Variants in ZMYM2 observed in about 807,000 individuals in gnomAD.
The protein encoded by ZMYM2 is zinc finger MYM-type containing 2.
In ZMYM2, 56 loss-of-function variants were observed where a neutral mutation model predicts 162.8. The observed-to-expected ratio is 0.34, with a 90% CI of 0.28 to 0.43. The LOEUF (loss-of-function observed/expected upper bound fraction) is 0.43, where lower values mean the gene tolerates loss of function less well. Among genes scored for constraint, ZMYM2 ranks in the 20% least tolerant of loss-of-function variants. The pLI is 1.00. For synonymous variants in ZMYM2, 510 were observed against 541.6 expected, an observed-to-expected ratio of 0.94 and a Z score of 0.81; for missense variants, 1,275 against 1,621.8, an observed-to-expected ratio of 0.79 and a Z score of 3.67.
chr13:19,942,638 A>T, the ZMYM2 span, among the ~76,000 whole-genome samples: 1 of 151,768 alleles, frequency 6.6e-6, no homozygotes, highest in African/African-American at 2.4e-5. Context: ...TGAGCCTGGG[A>T]GGTTGAAGCT....
At chr13:20,059,420 C>T (rs776175710) in intron 15 of ZMYM2, 27 bp from the exon 16 acceptor site, 10 of 1,610,050 alleles carry the variant, frequency 6.2e-6, no homozygotes, top group South Asian at 1.1e-5. Flanking sequence ...GTTAACATTG[C>T]TCCTTAAATA....
intron 12 of ZMYM2, among the ~76,000 whole-genome samples, chr13:20,045,049 C>CAAAAAAAAAAAAA (rs933854935): frequency 4.2e-5 from 2 of 47,476 alleles, no homozygotes; most frequent in Non-Finnish European, 4.3e-5. Flanking sequence ...GACTCTGTGT[C>CAAAAAAAAAAAAA]AAAAAAAAAA....
chr13:19,945,362 G>A, the ZMYM2 span, among the ~76,000 whole-genome samples: 7 of 151,842 alleles, frequency 4.6e-5, no homozygotes, highest in Non-Finnish European at 7.4e-5. Context: ...AGCAATTATC[G>A]TGCCTTAGCC....
In ZMYM2 at chr13:20,035,273, C is replaced by A. The variant is rs535317257; in HGVS notation, c.2119+869C>A. Among the ~76,000 whole-genome samples the A allele has an allele frequency of 2.0e-5, 3 of 152,232 alleles. No homozygotes were observed. The South Asian group carries it at 6.2e-4, about 32-fold the overall frequency. ...AGCAAAATAAAAAGATTTATCAGTT[C>A]GTTCAACTAGTGCGTTCATTTACAG... On this transcript the variant is annotated intron_variant, in intron 11 of 24. Transcript: ENST00000610343.
At chr13:20,031,217 A>T (rs1953099253) in intron 9 of ZMYM2, 102 bp from the exon 10 acceptor site, 2 of 758,800 alleles carry the variant, frequency 2.6e-6, no homozygotes, top group Non-Finnish European at 4.1e-6. Flanking sequence ...TATCTAAGCA[A>T]GATGTATATT....
the ZMYM2 span, among the ~76,000 whole-genome samples, chr13:19,909,621 C>T: frequency 6.6e-6 from 1 of 151,776 alleles, no homozygotes; most frequent in East Asian, 2.0e-4. Flanking sequence ...TTAGTAGAGA[C>T]AAGGTTTCAC....
At chr13:20,066,656 G>T in intron 19 of ZMYM2, 195 bp from the exon 20 acceptor site, 1 of 423,252 alleles carries the variant, frequency 2.4e-6, no homozygotes, top group East Asian at 3.6e-5. Context: ...CAGGTGGCAC[G>T]ATTGGAAGAG....
At chr13:20,001,085 A>G (rs1950353232) in intron 3 of ZMYM2, among the ~76,000 whole-genome samples, 1 of 152,162 alleles carries the variant, frequency 6.6e-6, no homozygotes, top group South Asian at 2.1e-4. Flanking sequence ...CATGAGAACT[A>G]GAATTAGTAG....
At chr13:19,898,344 T>C in the ZMYM2 span, among the ~76,000 whole-genome samples, 1 of 151,946 alleles carries the variant, frequency 6.6e-6, no homozygotes, top group African/African-American at 2.4e-5. Flanking sequence ...ACCATTCTCC[T>C]GCCTCAGCCT....
chr13:20,040,130 C>T (rs1428205562), intron 12 of ZMYM2, among the ~76,000 whole-genome samples: 3 of 152,248 alleles, frequency 2.0e-5, no homozygotes, highest in Middle Eastern at 3.4e-3. Flanking sequence ...GTCCCCCCTC[C>T]TCAATTTTTT....
At chr13:19,982,591 A>T (rs979481699) in intron 2 of ZMYM2, among the ~76,000 whole-genome samples, 25 of 152,118 alleles carry the variant, frequency 1.6e-4, no homozygotes, top group Non-Finnish European at 1.3e-4. Flanking sequence ...TGGAGAAGAG[A>T]TGCTGCTATT....
At position 20,086,490 on chromosome 13, in the gene ZMYM2, G is replaced by A. The variant is rs1224018715; in HGVS notation, c.*476G>A. 2 of 219,264 alleles carry A rather than the reference G, an allele frequency of 9.1e-6. No individual in the cohort carries two copies. The highest frequency in any genetic ancestry group is 1.8e-5 in the Non-Finnish European group (2 of 109,042). 13.6% of individuals were successfully genotyped at this position (219,264 alleles called of 1,614,324 possible). A position where few individuals can be genotyped will look rare whatever the true frequency, so the allele number is the denominator to read the frequency against. On this transcript the variant is annotated 3_prime_UTR_variant, in exon 25 of 25. Transcript: ENST00000610343. ...AAAATAAACTGTAAACTAATAGGCT[G>A]GGGTTTTTGTTTTGTTTTGGGGTTT...
chr13:19,919,107 T>C, the ZMYM2 span, among the ~76,000 whole-genome samples: 1 of 151,986 alleles, frequency 6.6e-6, no homozygotes, highest in Admixed American at 6.6e-5. Context: ...AATGGAATAA[T>C]ACAGTCTGTA....
chr13:19,928,417 C>T, the ZMYM2 span, among the ~76,000 whole-genome samples: 16 of 152,082 alleles, frequency 1.1e-4, no homozygotes, highest in African/African-American at 2.6e-4. Context: ...TGAGTCTTTT[C>T]GCTAAGTGCA....
chr13:20,085,762 G>A lies in ZMYM2; in HGVS notation c.3942-60G>A, dbSNP rs1958225429. The A allele has an allele frequency of 3.3e-6, 5 of 1,510,220 alleles. No homozygotes were observed. In the Admixed American group the frequency reaches 1.1e-4, roughly 33 times the overall value. 93.6% of individuals were successfully genotyped at this position (1,510,220 alleles called of 1,614,324 possible). A position where few individuals can be genotyped will look rare whatever the true frequency, so the allele number is the denominator to read the frequency against. On this transcript the variant is annotated intron_variant, in intron 24 of 24. Transcript: ENST00000610343. ...GGGGTCTGAATTATTCTTGAAAAAA[G>A]AAAAAGTTGTGGAAATTTTGTGAAA...
chr13:19,970,594 C>CAAAA, intron 2 of ZMYM2, among the ~76,000 whole-genome samples: 1 of 116,440 alleles, frequency 8.6e-6, no homozygotes. Context: ...TGAAAAAACC[C>CAAAA]CAAACCAAAA....
the ZMYM2 span, among the ~76,000 whole-genome samples, chr13:19,944,951 G>A: frequency 6.6e-6 from 1 of 152,098 alleles, no homozygotes; most frequent in Admixed American, 6.6e-5. Flanking sequence ...GATTACAGGT[G>A]TGAACCACTG....
intron 2 of ZMYM2, among the ~76,000 whole-genome samples, chr13:19,963,791 T>C (rs2139114206): frequency 6.6e-6 from 1 of 152,314 alleles, no homozygotes; most frequent in East Asian, 1.9e-4. Context: ...GAAGCACTTC[T>C]GTGGAGCTGC....
chr13:19,899,044 C>T, the ZMYM2 span, among the ~76,000 whole-genome samples: 1 of 151,742 alleles, frequency 6.6e-6, no homozygotes, highest in African/African-American at 2.4e-5. Flanking sequence ...CCTCCGCCTC[C>T]CGGGTTTAAG....
Sources: gnomAD v4.1 joint callset for allele counts (sites outside exome capture counted in the v4.1 genomes callset) on GRCh38, gnomAD v4.1.1 for gene constraint, MANE v1.5 for transcripts, NCBI Gene and HGNC (gene_info 2026-07-23, HGNC 2026-07-21) for gene names.